The following RAPGEF6 variants were observed in gnomAD, a reference collection of about 807,000 sequenced individuals.
RAPGEF6 encodes the protein Rap guanine nucleotide exchange factor 6, also known as PDZ domain containing guanine nucleotide exchange factor (GEF) 2.
Under a neutral mutation model 171.4 loss-of-function variants are expected in RAPGEF6, and 56 were observed. The ratio of observed to expected loss-of-function variants is 0.33; its 90% confidence interval spans 0.26 to 0.41. The LOEUF (loss-of-function observed/expected upper bound fraction) is 0.41, where lower values mean the gene tolerates loss of function less well. Ranked by LOEUF, RAPGEF6 falls within the 10% of genes least tolerant of loss-of-function variation. RAPGEF6 has a pLI of 1.00. For missense variants in RAPGEF6, 1,674 were observed against 1,921.4 expected (o/e 0.87, Z 2.41); for synonymous variants, 692 against 650.1 (o/e 1.06, Z -0.98).
In RAPGEF6 at chr5:131,503,854, A is replaced by T. The variant is rs148265151; in HGVS notation, c.1254+772T>A. On this transcript the variant is annotated intron_variant, in intron 11 of 27. Transcript: ENST00000509018. ...CTTTTGATTTACCTCATTTAGCCCT[A>T]ATAAAGTCTTGAATTACCTCCATAT... Among the ~76,000 whole-genome samples, 595 of 152,312 alleles carry T rather than the reference A, an allele frequency of 3.9e-3. 6 individuals carry two copies. Among genetic ancestry groups the T allele is most frequent in the African/African-American group, 0.014 (584 of 41,556 alleles).
chr5:131,555,493 C>T (rs1349762932), intron 5 of RAPGEF6, among the ~76,000 whole-genome samples: 1 of 151,894 alleles, frequency 6.6e-6, no homozygotes, highest in African/African-American at 2.4e-5. Flanking sequence ...TTTAATTTTA[C>T]ACAACTCTTA....
intron 15 of RAPGEF6, among the ~76,000 whole-genome samples, chr5:131,489,300 G>C (rs1283528106): frequency 6.6e-6 from 1 of 152,014 alleles, no homozygotes; most frequent in South Asian, 2.1e-4. Flanking sequence ...CGCTCCATAG[G>C]AATTTCATAA....
At chr5:131,579,498 A>G (rs1196341137) in intron 4 of RAPGEF6, among the ~76,000 whole-genome samples, 1 of 152,190 alleles carries the variant, frequency 6.6e-6, no homozygotes, top group Admixed American at 6.5e-5. Context: ...CAGGGTGCTG[A>G]TTGGTGCGTT....
At chr5:131,578,756 T>C (rs1305421904) in intron 4 of RAPGEF6, among the ~76,000 whole-genome samples, 2 of 152,140 alleles carry the variant, frequency 1.3e-5, no homozygotes, top group Non-Finnish European at 2.9e-5. Flanking sequence ...CATTCCAACT[T>C]CGCATTACTG....
chr5:131,448,833 G>A (rs1029237746), intron 21 of RAPGEF6, among the ~76,000 whole-genome samples: 4 of 152,102 alleles, frequency 2.6e-5, no homozygotes, highest in African/African-American at 7.2e-5. Context: ...TATTGTCCAA[G>A]TATTCTTCTT....
chr5:131,559,719 A>T (rs1207243483), intron 5 of RAPGEF6, among the ~76,000 whole-genome samples: 1 of 152,032 alleles, frequency 6.6e-6, no homozygotes, highest in Non-Finnish European at 1.5e-5. Flanking sequence ...GTGCATCTGT[A>T]GTCCCAGCTA....
chr5:131,518,289 A>G (rs958080291), intron 7 of RAPGEF6, among the ~76,000 whole-genome samples: 2 of 150,978 alleles, frequency 1.3e-5, no homozygotes, highest in Admixed American at 6.6e-5. Flanking sequence ...TATGATTTTG[A>G]TTTTTTTCCT....
At position 131,424,614 on chromosome 5, in the gene RAPGEF6, A is replaced by G. The variant is rs1272128942; in HGVS notation, c.*2652T>C. The G allele has an allele frequency of 6.6e-6, 1 of 152,300 alleles. No homozygotes were observed. The highest frequency in any genetic ancestry group is 1.5e-5 in the Non-Finnish European group (1 of 68,034). 9.4% of individuals were successfully genotyped at this position (152,300 alleles called of 1,614,324 possible). A position where few individuals can be genotyped will look rare whatever the true frequency, so the allele number is the denominator to read the frequency against. Reference sequence around the variant, plus strand: ...AGGTGATATAGATCGCAATGATGTGATTTATCACCCTCAAGAAAATTCACT... The same window carrying G: ...AGGTGATATAGATCGCAATGATGTGGTTTATCACCCTCAAGAAAATTCACT... On this transcript the variant is annotated 3_prime_UTR_variant, in exon 28 of 28. Coordinates refer to ENST00000509018, the MANE Select transcript of RAPGEF6 (RefSeq NM_016340.6).
At chr5:131,477,605 C>T (rs943454394) in intron 16 of RAPGEF6, among the ~76,000 whole-genome samples, 1 of 152,188 alleles carries the variant, frequency 6.6e-6, no homozygotes, top group Non-Finnish European at 1.5e-5. Context: ...CTAATTCCCA[C>T]ACCCTCACCA....
At chr5:131,476,486 G>A (rs1249044323) in intron 16 of RAPGEF6, among the ~76,000 whole-genome samples, 1 of 152,016 alleles carries the variant, frequency 6.6e-6, no homozygotes, top group Non-Finnish European at 1.5e-5. Context: ...TTGAGTCGGA[G>A]TTTCACTCTG....
At chr5:131,541,878 C>CTATCAGATAGGCCTACAAGTGAT (rs1474260187) in intron 6 of RAPGEF6, among the ~76,000 whole-genome samples, 1 of 152,236 alleles carries the variant, frequency 6.6e-6, no homozygotes, top group Non-Finnish European at 1.5e-5. Flanking sequence ...TTGCTAACTA[C>CTATCAGATAGGCCTACAAGTGAT]TATCAGATAG....
At chr5:131,623,700 G>A (rs1365101695) in intron 1 of RAPGEF6, among the ~76,000 whole-genome samples, 1 of 151,792 alleles carries the variant, frequency 6.6e-6, no homozygotes. Context: ...GGTCAGGCTG[G>A]TTTCGAACTC....
rs368875982 is a variant in RAPGEF6, at chr5:131,428,276, G to A, written c.4780+626C>T. 4.6e-5 allele frequency among the ~76,000 whole-genome samples: 7 copies of A among 152,190 alleles called. No individual in the cohort carries two copies. In the East Asian group the frequency reaches 9.7e-4, roughly 21 times the overall value. ...AAAAATTTAACAATGAGCCAGGCAT[G>A]CTGGTGTGCACCTGTAGTCCCAGCT... is the stretch of plus-strand genomic sequence containing the variant. On this transcript the variant is annotated intron_variant, in intron 27 of 27. Coordinates refer to ENST00000509018, the MANE Select transcript of RAPGEF6 (RefSeq NM_016340.6).
At chr5:131,587,330 G>A (rs938120844) in intron 4 of RAPGEF6, among the ~76,000 whole-genome samples, 2 of 152,034 alleles carry the variant, frequency 1.3e-5, no homozygotes, top group South Asian at 4.2e-4. Flanking sequence ...CTCAACTAAG[G>A]TATACATATC....
chr5:131,474,802 T>C (rs527534844), intron 16 of RAPGEF6, among the ~76,000 whole-genome samples: 1 of 152,336 alleles, frequency 6.6e-6, no homozygotes, highest in African/African-American at 2.4e-5. Flanking sequence ...ACAGTCTTTC[T>C]TTAATTGACT....
Position 131,567,095 on chromosome 5 carries a change from C to CAA in RAPGEF6, c.282-5050_282-5049dup, listed in dbSNP as rs34938105. Among the ~76,000 whole-genome samples the CAA allele has an allele frequency of 4.8e-3, 636 of 131,636 alleles. 2 individuals are homozygous for CAA. Among genetic ancestry groups the CAA allele is most frequent in the South Asian group, 0.022 (92 of 4,156 alleles). 86.4% of individuals were successfully genotyped at this position (131,636 alleles called of 152,430 possible). A position where few individuals can be genotyped will look rare whatever the true frequency, so the allele number is the denominator to read the frequency against. ...GGCGACAAGAGCAAAACTCTTGTCT[C>CAA]AAAAAAAAAAAAAAAATCCTTTGTA... On this transcript the variant is annotated intron_variant, in intron 4 of 27. Coordinates refer to ENST00000509018, the MANE Select transcript of RAPGEF6 (RefSeq NM_016340.6).
chr5:131,452,198 C>T (rs567363947), intron 21 of RAPGEF6, among the ~76,000 whole-genome samples: 15 of 141,732 alleles, frequency 1.1e-4, no homozygotes, highest in South Asian at 6.8e-4. Flanking sequence ...CCAGCCTGGG[C>T]GACAGAGCGA....
At chr5:131,575,388 C>T (rs922918537) in intron 4 of RAPGEF6, among the ~76,000 whole-genome samples, 4 of 152,236 alleles carry the variant, frequency 2.6e-5, no homozygotes, top group African/African-American at 7.2e-5. Context: ...GCTCCTTCAA[C>T]ATCTGTTCTC....
chr5:131,556,156 T>C (rs1761223252), intron 5 of RAPGEF6, among the ~76,000 whole-genome samples: 1 of 152,146 alleles, frequency 6.6e-6, no homozygotes, highest in Non-Finnish European at 1.5e-5. Flanking sequence ...AGACCACTAG[T>C]AGGCTGGGCT....
Sources: gnomAD v4.1 joint callset for allele counts (sites outside exome capture counted in the v4.1 genomes callset) on GRCh38, gnomAD v4.1.1 for gene constraint, MANE v1.5 for transcripts, NCBI Gene and HGNC (gene_info 2026-07-23, HGNC 2026-07-21) for gene names.